The following ANKS1B variants were observed in gnomAD, a reference collection of about 807,000 sequenced individuals.
ANKS1B encodes the protein ankyrin repeat and sterile alpha motif domain-containing protein 1B.
Under a neutral mutation model 148.3 loss-of-function variants are expected in ANKS1B, and 36 were observed. The observed-to-expected ratio is 0.24, with a 90% CI of 0.19 to 0.32. ANKS1B has a LOEUF of 0.32. Among genes scored for constraint, ANKS1B ranks in the 10% least tolerant of loss-of-function variants. The pLI is 1.00. For synonymous variants in ANKS1B, 542 were observed against 560.8 expected, an observed-to-expected ratio of 0.97 and a Z score of 0.47; for missense variants, 1,157 against 1,542.6, an observed-to-expected ratio of 0.75 and a Z score of 4.19.
At chr12:99,495,705 C>G (rs2096597665) in intron 10 of ANKS1B, among the ~76,000 whole-genome samples, 1 of 152,084 alleles carries the variant, frequency 6.6e-6, no homozygotes, top group Admixed American at 6.6e-5. Flanking sequence ...CCATGGGGCT[C>G]AAAAATAGTT....
At chr12:99,397,824 C>T (rs545437955) in intron 12 of ANKS1B, among the ~76,000 whole-genome samples, 15 of 151,980 alleles carry the variant, frequency 9.9e-5, no homozygotes, top group Non-Finnish European at 2.2e-4. Flanking sequence ...ATTCTTATCA[C>T]GTTGAGGACA....
chr12:98,938,321 G>A (rs2099823827), intron 17 of ANKS1B, among the ~76,000 whole-genome samples: 1 of 152,134 alleles, frequency 6.6e-6, no homozygotes. Flanking sequence ...TTAATCAAGT[G>A]ACGTGAGCAA....
At chr12:99,440,339 AC>A (rs1199839970) in intron 11 of ANKS1B, among the ~76,000 whole-genome samples, 1 of 151,900 alleles carries the variant, frequency 6.6e-6, no homozygotes, top group Non-Finnish European at 1.5e-5. Context: ...AACAAAGCCA[AC>A]ACAAGTAACA....
At chr12:99,802,913 A>G (rs200215400) in intron 4 of ANKS1B, among the ~76,000 whole-genome samples, 1 of 13,024 alleles carries the variant, frequency 7.7e-5, no homozygotes, top group Admixed American at 6.3e-4. Context: ...CCCTGCCTTT[A>G]AAAAAAAAAA....
chr12:99,246,717 C>T lies in ANKS1B; in HGVS notation c.1904G>A (p.Gly635Glu), dbSNP rs1381233122. Residue 635 changes from glycine (G) to glutamate (E), a missense_variant, in exon 13 of 27, where the codon GGA becomes GAA. Gly to Glu is a moderately conservative substitution (Grantham distance 98). Around this residue, in one of 6 missense-constraint regions of ANKS1B, gnomAD observed 661 missense variants for 642.1 expected, o/e 1.03. Coordinates refer to ENST00000683438, the MANE Select transcript of ANKS1B (RefSeq NM_001352186.2). ...LYGKREQCEK[G>E]QDEVSLANSP... ...GTTTGCCAAACTGACTTCATCTTGTCCTTTTTCACATTGTTCTCTTTTCCC... is the reference window on the plus strand; with the variant it reads ...GTTTGCCAAACTGACTTCATCTTGTTCTTTTTCACATTGTTCTCTTTTCCC... 6.2e-7 allele frequency: 1 copy of T among 1,613,920 alleles called. No individual in the cohort carries two copies. Among genetic ancestry groups the T allele is most frequent in the Admixed American group, 1.7e-5 (1 of 59,998 alleles).
At chr12:99,492,605 A>G (rs1311723011) in intron 10 of ANKS1B, among the ~76,000 whole-genome samples, 4 of 152,126 alleles carry the variant, frequency 2.6e-5, no homozygotes, top group Non-Finnish European at 5.9e-5. Flanking sequence ...AAAACAAGAA[A>G]CTTCAGGCCA....
At chr12:99,714,560 T>G (rs1276548911) in intron 8 of ANKS1B, among the ~76,000 whole-genome samples, 1 of 152,196 alleles carries the variant, frequency 6.6e-6, no homozygotes, top group Non-Finnish European at 1.5e-5. Flanking sequence ...ATATTTTTTG[T>G]GGTGATTTGT....
rs1009797320 is a variant in ANKS1B at position 99,269,633 on chromosome 12, A to G, written c.1757-22769T>C. ...GAGTGCAGTAGCGCAATCTCGGCTC[A>G]CTGCAAGCTCCGCGTCCCGGGTTCA... is the stretch of plus-strand genomic sequence containing the variant. On this transcript the variant is annotated intron_variant, in intron 12 of 26. Transcript: ENST00000683438. Among the ~76,000 whole-genome samples the G allele has an allele frequency of 4.6e-5, 7 of 152,254 alleles. No homozygotes were observed. In the East Asian group the frequency reaches 1.2e-3, roughly 25 times the overall value.
At chr12:98,860,965 A>C (rs994772565) in intron 17 of ANKS1B, among the ~76,000 whole-genome samples, 2 of 152,180 alleles carry the variant, frequency 1.3e-5, no homozygotes, top group African/African-American at 4.8e-5. Context: ...CATTGATATA[A>C]TTTGTTTTTG....
intron 1 of ANKS1B, among the ~76,000 whole-genome samples, chr12:99,907,325 C>T (rs894431365): frequency 2.6e-5 from 4 of 152,162 alleles, no homozygotes; most frequent in East Asian, 1.9e-4. Context: ...AGCCCCATGC[C>T]GCCTGTGCTG....
chr12:98,801,227 C>A lies in ANKS1B; in HGVS notation c.3142-102G>T. 8.4e-7 allele frequency: 1 copy of A among 1,195,684 alleles called. No homozygotes were observed. The highest frequency in any genetic ancestry group is 1.2e-6 in the Non-Finnish European group (1 of 864,552). The allele number at this position is 1,195,684 out of a possible 1,614,324, so 74.1% of individuals were successfully genotyped here. On this transcript the variant is annotated intron_variant, in intron 20 of 26. Coordinates refer to ENST00000683438, the MANE Select transcript of ANKS1B (RefSeq NM_001352186.2). The surrounding 1 kb of genome is among the most constrained non-coding windows in gnomAD (Gnocchi z 5.2). ...TTACACACAGGTGCTGTGAATGTAC[C>A]AAAATGCATTTGGGTGTCTTATGTG...
At chr12:99,835,080 T>C (rs975119364) in intron 1 of ANKS1B, among the ~76,000 whole-genome samples, 1 of 151,958 alleles carries the variant, frequency 6.6e-6, no homozygotes, top group Non-Finnish European at 1.5e-5. Flanking sequence ...GTGTCCCACA[T>C]GGGTCAAATG....
chr12:99,072,405 T>C (rs1363141668), intron 16 of ANKS1B, among the ~76,000 whole-genome samples: 1 of 152,152 alleles, frequency 6.6e-6, no homozygotes, highest in Non-Finnish European at 1.5e-5. Flanking sequence ...TCCACTATTA[T>C]CTATTGTTTT....
chr12:99,868,345 T>C (rs2091025147), intron 1 of ANKS1B, among the ~76,000 whole-genome samples: 1 of 152,210 alleles, frequency 6.6e-6, no homozygotes, highest in Non-Finnish European at 1.5e-5. Context: ...ATGTATATTA[T>C]ACTTCAACAA....
rs879173702 is a variant in ANKS1B, at chr12:99,369,791, T to TAGATGGACGGACGGACAGAC, written c.1756+29839_1756+29840insGTCTGTCCGTCCGTCCATCT. On this transcript the variant is annotated intron_variant, in intron 12 of 26. Transcript: ENST00000683438. ...ATAGATAGATAGATAGATAGATAGATGGACGGACGGACAGACGGACGGACG... is the reference window on the plus strand; with the variant it reads ...ATAGATAGATAGATAGATAGATAGATAGATGGACGGACGGACAGACGGACGGACGGACAGACGGACGGACG... Among the ~76,000 whole-genome samples the TAGATGGACGGACGGACAGAC allele has an allele frequency of 3.4e-5, 5 of 148,770 alleles. No individual in the cohort carries two copies. In the East Asian group the frequency reaches 1.0e-3, roughly 30 times the overall value.
chr12:98,813,706 C>T (rs1246531371), intron 19 of ANKS1B, among the ~76,000 whole-genome samples: 1 of 150,878 alleles, frequency 6.6e-6, no homozygotes, highest in African/African-American at 2.4e-5. Context: ...AGGTGTGAAC[C>T]ACCTCACCCA....
At chr12:99,115,131 C>T (rs1234703631) in intron 15 of ANKS1B, among the ~76,000 whole-genome samples, 1 of 152,062 alleles carries the variant, frequency 6.6e-6, no homozygotes, top group South Asian at 2.1e-4. Context: ...GGTATATACC[C>T]AGAGGAATAT....
At chr12:98,883,717 G>A (rs1400052852) in intron 17 of ANKS1B, among the ~76,000 whole-genome samples, 1 of 152,202 alleles carries the variant, frequency 6.6e-6, no homozygotes, top group Non-Finnish European at 1.5e-5. Context: ...GGAGCCGAAA[G>A]CCCAGAGAGA....
chr12:99,732,302 T>A (rs1238439328), intron 8 of ANKS1B, among the ~76,000 whole-genome samples: 2 of 152,180 alleles, frequency 1.3e-5, no homozygotes, highest in African/African-American at 2.4e-5. Context: ...CACTCTTACA[T>A]GTTTACCCAA....
Sources: gnomAD v4.1 joint callset for allele counts (sites outside exome capture counted in the v4.1 genomes callset) on GRCh38, gnomAD v4.1.1 for gene constraint, gnomAD v4.1.1 regional missense constraint, Gnocchi (gnomAD v3.1) non-coding constraint, MANE v1.5 for transcripts, NCBI Gene and HGNC (gene_info 2026-07-23, HGNC 2026-07-21) for gene names.